NKTR: variants seen among roughly 807,000 people sequenced by gnomAD.
The protein encoded by NKTR is NK-tumor recognition protein.
A neutral mutation model predicts 156.3 loss-of-function variants in NKTR; 67 were observed. The ratio of observed to expected loss-of-function variants is 0.43; its 90% CI spans 0.35 to 0.53. The LOEUF is 0.53. NKTR is among the 20% of genes least tolerant of loss of function. The pLI is 0.01. For synonymous variants in NKTR, 640 were observed against 596.6 expected (o/e 1.07, Z -1.06); for missense variants, 1,604 against 1,730.9 (o/e 0.93, Z 1.30).
At chr3:42,632,061 CTTTTTTTTTTT>C (rs564114469) in intron 8 of NKTR, among the ~76,000 whole-genome samples, 5 of 86,496 alleles carry the variant, frequency 5.8e-5, no homozygotes, top group Non-Finnish European at 8.4e-5. Context: ...TTATGCAATT[CTTTTTTTTTTT>C]TTTTTTTTTT....
chr3:42,619,078 C>T lies in NKTR; in HGVS notation c.192C>T (p.Phe64=). The T allele has an allele frequency of 6.2e-7, 1 of 1,608,880 alleles. No individual in the cohort carries two copies. Among genetic ancestry groups the T allele is most frequent in the Non-Finnish European group, 8.5e-7 (1 of 1,178,102 alleles). Residue 64 remains phenylalanine, a synonymous_variant, in exon 4 of 17, where the codon TTC becomes TTT. Coordinates refer to ENST00000232978, the MANE Select transcript of NKTR (RefSeq NM_005385.4). The stretch of plus-strand genomic sequence containing the variant: ...AGTTATGTTATAAAGGTTCTACGTT[C>T]CATCGTGTGGTTAAAAACTTTATGA... ...GKKLCYKGST[F]HRVVKNFMIQ...
Position 42,600,973 on chromosome 3 carries a change from C to T in NKTR, c.-23-11C>T, listed in dbSNP as rs753794362. 3.3e-6 allele frequency: 5 copies of T among 1,516,788 alleles called. No homozygotes were observed. Among genetic ancestry groups the T allele is most frequent in the Non-Finnish European group, 1.8e-6 (2 of 1,130,082 alleles). 94.0% of individuals were successfully genotyped at this position (1,516,788 alleles called of 1,614,324 possible). On this transcript the variant is annotated splice_polypyrimidine_tract_variant and intron_variant, in intron 1 of 16. Coordinates refer to ENST00000232978, the MANE Select transcript of NKTR (RefSeq NM_005385.4). ...CCCTGCCCTGACCGCTTTTCTCCCC[C>T]TCTCTCCCAGCTCTTGCCGCCACCT...
Position 42,646,047 on chromosome 3 carries a change from C to A in NKTR, c.*72C>A, listed in dbSNP as rs559634051. 1.8e-6 allele frequency: 2 copies of A among 1,095,992 alleles called. No individual in the cohort carries two copies. Among genetic ancestry groups the A allele is most frequent in the Admixed American group, 2.0e-5 (1 of 51,136 alleles). The allele number at this position is 1,095,992 out of a possible 1,614,324, so 67.9% of individuals were successfully genotyped here. ...TTAGCTTAAGAAATGTAATGACAGT[C>A]TGTTGTTCTATTTCAATATCAGAGG... On this transcript the variant is annotated 3_prime_UTR_variant, in exon 17 of 17. Coordinates refer to ENST00000232978, the MANE Select transcript of NKTR (RefSeq NM_005385.4).
rs1230860103 is a variant in NKTR at position 42,619,147 on chromosome 3, TC to T, written c.241+22del. 1.3e-6 allele frequency: 2 copies of T among 1,591,894 alleles called. No homozygotes were observed. Among genetic ancestry groups the T allele is most frequent in the Admixed American group, 1.9e-5 (1 of 52,876 alleles). The stretch of plus-strand genomic sequence containing the variant: ...GTGAAGGTAGAGCTAAAAGTTGTGT[TC>T]CTAATAACTCCATCTATCAGTTTTT... On this transcript the variant is annotated intron_variant, in intron 4 of 16. Coordinates refer to ENST00000232978, the MANE Select transcript of NKTR (RefSeq NM_005385.4).
chr3:42,620,716 TC>T, intron 5 of NKTR: 1 of 984,546 alleles, frequency 1.0e-6, no homozygotes, highest in South Asian at 4.7e-5. Context: ...GATTTTTTTT[TC>T]CTTTGAACTA....
chr3:42,641,480 T>C (rs907466962), intron 13 of NKTR, among the ~76,000 whole-genome samples: 1 of 152,214 alleles, frequency 6.6e-6, no homozygotes, highest in African/African-American at 2.4e-5. Context: ...GGCAGAATTG[T>C]ACTGCTTACA....
chr3:42,615,591 A>G (rs1364763027), intron 2 of NKTR, among the ~76,000 whole-genome samples: 3 of 152,286 alleles, frequency 2.0e-5, no homozygotes, highest in East Asian at 3.9e-4. Flanking sequence ...AAAAAACAAA[A>G]CAAAAAACAC....
At position 42,643,831 on chromosome 3, in the gene NKTR, C is replaced by T. The variant is rs961214374; in HGVS notation, c.4200-71C>T. The T allele has an allele frequency of 2.8e-6, 3 of 1,081,678 alleles. No individual in the cohort carries two copies. In the African/African-American group the frequency reaches 4.7e-5, roughly 17 times the overall value. 67.0% of individuals were successfully genotyped at this position (1,081,678 alleles called of 1,614,324 possible). A position where few individuals can be genotyped will look rare whatever the true frequency, so the allele number is the denominator to read the frequency against. On this transcript the variant is annotated intron_variant, in intron 15 of 16. Transcript: ENST00000232978. Reference sequence around the variant, plus strand: ...TTCTAAGCTAGAACACTCCTGAGATCCTAAAAAGAAATAGGAACATATGAG... The same window carrying T: ...TTCTAAGCTAGAACACTCCTGAGATTCTAAAAAGAAATAGGAACATATGAG...
intron 2 of NKTR, among the ~76,000 whole-genome samples, chr3:42,617,289 G>A (rs934480844): frequency 6.6e-6 from 1 of 152,122 alleles, no homozygotes; most frequent in Non-Finnish European, 1.5e-5. Context: ...ACTATACTAC[G>A]AGGAATCTAA....
chr3:42,625,555 G>A (rs140556380), intron 6 of NKTR, among the ~76,000 whole-genome samples: 6 of 152,226 alleles, frequency 3.9e-5, no homozygotes, highest in African/African-American at 1.4e-4. Context: ...GGAGTAGTTG[G>A]TTTTAAGGGG....
chr3:42,623,143 G>A (rs1301118046), intron 6 of NKTR, among the ~76,000 whole-genome samples: 1 of 151,430 alleles, frequency 6.6e-6, no homozygotes, highest in Non-Finnish European at 1.5e-5. Context: ...GTGTTTTCTA[G>A]GAATATCTAG....
chr3:42,606,861 C>T (rs914022834), intron 2 of NKTR, among the ~76,000 whole-genome samples: 5 of 151,514 alleles, frequency 3.3e-5, no homozygotes, highest in East Asian at 1.9e-4. Context: ...AAAAAAATTT[C>T]GTTTGGCTTT....
Position 42,637,077 on chromosome 3 carries a change from G to C in NKTR, c.1373G>C (p.Arg458Thr). The change falls in exon 13 of 17, where the codon AGG (arginine) becomes ACG (threonine). Residue 458 changes from arginine to threonine, a missense_variant. Transcript: ENST00000232978. The part of the protein sequence containing the change: ...CRRHKQTKKR[R>T]ILIPSDIESS... ...AGACACAAACAAACAAAGAAGAGAA[G>C]GATTCTTATACCGTCTGACATAGAA... is the stretch of plus-strand genomic sequence containing the variant. 6.2e-7 allele frequency: 1 copy of C among 1,604,894 alleles called. No individual in the cohort carries two copies. Among genetic ancestry groups the C allele is most frequent in the East Asian group, 2.2e-5 (1 of 44,840 alleles).
intron 2 of NKTR, chr3:42,612,415 G>A (rs1706922746): frequency 6.6e-6 from 1 of 152,018 alleles, no homozygotes; most frequent in Non-Finnish European, 1.5e-5. Flanking sequence ...AAAAAATTTT[G>A]CCATTACATA....
rs750344959 is a variant in NKTR at position 42,601,100 on chromosome 3, G to A, written c.58+36G>A. Reference sequence around the variant, plus strand: ...AACTGGGGAGCGCTGCTGGGGCCGAGGCCTGCCTTGGCGAAGGGGAGGGGT... The same window carrying A: ...AACTGGGGAGCGCTGCTGGGGCCGAAGCCTGCCTTGGCGAAGGGGAGGGGT... On this transcript the variant is annotated intron_variant, in intron 2 of 16. Coordinates refer to ENST00000232978, the MANE Select transcript of NKTR (RefSeq NM_005385.4). The A allele has an allele frequency of 9.9e-6, 15 of 1,516,010 alleles. No homozygotes were observed. The Admixed American group carries it at 1.9e-4, about 19-fold the overall frequency. 93.9% of individuals were successfully genotyped at this position (1,516,010 alleles called of 1,614,324 possible). A position where few individuals can be genotyped will look rare whatever the true frequency, so the allele number is the denominator to read the frequency against.
chr3:42,636,156 A>G (rs2125815291), intron 12 of NKTR, among the ~76,000 whole-genome samples: 1 of 152,154 alleles, frequency 6.6e-6, no homozygotes, highest in South Asian at 2.1e-4. Context: ...TACTAATGGG[A>G]CCCTGTGTAA....
In NKTR at chr3:42,639,359, A is replaced by G. The variant is rs1709685713; in HGVS notation, c.3655A>G (p.Ile1219Val). Residue 1219 changes from isoleucine (I) to valine (V), a missense_variant, in exon 13 of 17, where the codon ATC (isoleucine) becomes GTC (valine). Around this residue, in one of 6 missense-constraint regions of NKTR, gnomAD observed 1,255 missense variants for 1,243.7 expected, o/e 1.01. Coordinates refer to ENST00000232978, the MANE Select transcript of NKTR (RefSeq NM_005385.4). ...GKKEVAEKSQINLIDKKWKPL... is the reference protein window; with the variant it reads ...GKKEVAEKSQVNLIDKKWKPL... ...GAAGGAGGTGGCTGAGAAGAGCCAG[A>G]TCAACCTCATTGATAAGAAATGGAA... 6.2e-7 allele frequency: 1 copy of G among 1,614,010 alleles called. No homozygotes were observed. The highest frequency in any genetic ancestry group is 8.5e-7 in the Non-Finnish European group (1 of 1,180,010).
chr3:42,637,108 A>G lies in NKTR; in HGVS notation c.1404A>G (p.Ser468=), dbSNP rs1229470248. ...TTATACCGTCTGACATAGAATCCTC[A>G]AAATCTTCCACTCGAAGAATGAAAT... ...RILIPSDIES[S]KSSTRRMKSS... The change falls in exon 13 of 17, where the codon TCA becomes TCG. Residue 468 remains serine, a synonymous_variant. Coordinates refer to ENST00000232978, the MANE Select transcript of NKTR (RefSeq NM_005385.4). The G allele has an allele frequency of 6.2e-7, 1 of 1,607,156 alleles. No homozygotes were observed. Among genetic ancestry groups the G allele is most frequent in the Admixed American group, 1.7e-5 (1 of 58,144 alleles).
At chr3:42,633,458 C>T in intron 9 of NKTR, 122 bp from the exon 10 acceptor site, 1 of 1,438,098 alleles carries the variant, frequency 7.0e-7, no homozygotes, top group Non-Finnish European at 9.1e-7. Context: ...TCATATAACT[C>T]TTTTGAGTGA....
Sources: gnomAD v4.1 joint callset for allele counts (sites outside exome capture counted in the v4.1 genomes callset) on GRCh38, gnomAD v4.1.1 for gene constraint, gnomAD v4.1.1 regional missense constraint, MANE v1.5 for transcripts, NCBI Gene and HGNC (gene_info 2026-07-23, HGNC 2026-07-21) for gene names.